Variants in TAF3 observed in about 807,000 individuals in gnomAD.
TAF3 encodes the protein TATA-box binding protein associated factor 3.
In TAF3, 7 loss-of-function variants were observed where a neutral mutation model predicts 80.6. The observed-to-expected ratio is 0.09, with a 90% CI of 0.05 to 0.16. The LOEUF (loss-of-function observed/expected upper bound fraction) is 0.16, where lower values mean the gene tolerates loss of function less well. Among genes scored for constraint, TAF3 ranks in the 10% least tolerant of loss-of-function variants. The pLI, the probability that TAF3 is intolerant of heterozygous loss-of-function variation, is 1.00. For synonymous variants in TAF3, 444 were observed against 446.1 expected (o/e 1.00, Z 0.06); for missense variants, 921 against 1,140.2 (o/e 0.81, Z 2.77).
At chr10:7,938,215 G>C (rs1837941368) in intron 2 of TAF3, among the ~76,000 whole-genome samples, 1 of 152,150 alleles carries the variant, frequency 6.6e-6, no homozygotes, top group Non-Finnish European at 1.5e-5. Flanking sequence ...TCCCTAACTT[G>C]AAGCAGTGGA....
chr10:7,823,144 C>G (rs532580094), intron 1 of TAF3, among the ~76,000 whole-genome samples: 2 of 152,040 alleles, frequency 1.3e-5, no homozygotes, highest in Non-Finnish European at 2.9e-5. Flanking sequence ...CTTTTATGAT[C>G]TAAGCCTTCT....
At chr10:7,962,206 C>A (rs992816007) in intron 2 of TAF3, among the ~76,000 whole-genome samples, 1 of 152,166 alleles carries the variant, frequency 6.6e-6, no homozygotes, top group African/African-American at 2.4e-5. Context: ...ATACCCTAAT[C>A]ATTTATCAGA....
intron 3 of TAF3, among the ~76,000 whole-genome samples, chr10:7,971,194 C>T (rs1588571712): frequency 1.3e-5 from 2 of 152,276 alleles, no homozygotes; most frequent in African/African-American, 4.8e-5. Context: ...TGCACATCTT[C>T]TGACTCTCTG....
intron 3 of TAF3, among the ~76,000 whole-genome samples, chr10:7,967,370 G>C (rs900353342): frequency 6.6e-6 from 1 of 152,128 alleles, no homozygotes; most frequent in Admixed American, 6.5e-5. Context: ...GAAGCCATCA[G>C]ATTAGGTTTG....
chr10:7,847,858 A>C (rs1426925551), intron 2 of TAF3, among the ~76,000 whole-genome samples: 1 of 152,082 alleles, frequency 6.6e-6, no homozygotes, highest in Non-Finnish European at 1.5e-5. Flanking sequence ...ACCTCCACCT[A>C]CTGGGTTCAA....
At chr10:7,885,204 A>G (rs982872263) in intron 2 of TAF3, among the ~76,000 whole-genome samples, 1 of 151,836 alleles carries the variant, frequency 6.6e-6, no homozygotes, top group Non-Finnish European at 1.5e-5. Flanking sequence ...TGAATTGCAT[A>G]CTTAAAAATA....
At chr10:7,977,183 G>A (rs1831681532) in intron 3 of TAF3, 58 bp from the exon 4 acceptor site, 1 of 1,509,834 alleles carries the variant, frequency 6.6e-7, no homozygotes, top group East Asian at 2.3e-5. Flanking sequence ...TAGGAGAAGT[G>A]GTAGGAGGTA....
chr10:7,956,228 G>A (rs1316203637), intron 2 of TAF3, among the ~76,000 whole-genome samples: 4 of 152,098 alleles, frequency 2.6e-5, no homozygotes, highest in Admixed American at 6.5e-5. Context: ...GGTGTCTCAC[G>A]CCTGTAATCC....
chr10:7,848,984 T>G (rs1042916512), intron 2 of TAF3, among the ~76,000 whole-genome samples: 1 of 152,208 alleles, frequency 6.6e-6, no homozygotes, highest in African/African-American at 2.4e-5. Flanking sequence ...AGCTTTGTCT[T>G]TCTGAATGGT....
chr10:7,854,581 A>G (rs1837060536), intron 2 of TAF3, among the ~76,000 whole-genome samples: 1 of 150,220 alleles, frequency 6.7e-6, no homozygotes, highest in Non-Finnish European at 1.5e-5. Context: ...GGGAGGAGGT[A>G]GATCTTGACC....
intron 1 of TAF3, among the ~76,000 whole-genome samples, chr10:7,820,438 T>G (rs1299216225): frequency 6.6e-6 from 1 of 152,256 alleles, no homozygotes; most frequent in African/African-American, 2.4e-5. Flanking sequence ...TTATTGACTT[T>G]ACATATTGAG....
chr10:7,822,820 T>C (rs1306099077), intron 1 of TAF3, among the ~76,000 whole-genome samples: 1 of 152,242 alleles, frequency 6.6e-6, no homozygotes, highest in East Asian at 1.9e-4. Flanking sequence ...TTTTTAAAGA[T>C]GTAGAGACCT....
chr10:7,985,995 G>A (rs1247306953), intron 4 of TAF3, among the ~76,000 whole-genome samples: 1 of 151,886 alleles, frequency 6.6e-6, no homozygotes, highest in Non-Finnish European at 1.5e-5. Flanking sequence ...TGTTGGCCAG[G>A]CTGGCCTCAA....
In TAF3 at chr10:7,964,536, G is replaced by A. The variant is rs1831547840; in HGVS notation, c.1026G>A (p.Arg342=). 6.2e-7 allele frequency: 1 copy of A among 1,613,584 alleles called. No homozygotes were observed. The highest frequency in any genetic ancestry group is 8.5e-7 in the Non-Finnish European group (1 of 1,179,838). ...CTGTGAGACCTGAAACGCCCAACAG[G>A]ACTCCTTCAGCTACACTCAGTGAAA... is the stretch of plus-strand genomic sequence containing the variant. The part of the protein sequence containing the change: ...QTPVRPETPN[R]TPSATLSEKI... Residue 342 remains arginine (R), a synonymous_variant, in exon 3 of 7, where the codon AGG becomes AGA. Coordinates refer to ENST00000344293, the MANE Select transcript of TAF3 (RefSeq NM_031923.4). The surrounding 1 kb of genome is among the most constrained non-coding windows in gnomAD (Gnocchi z 4.1).
chr10:7,873,506 C>T (rs971224247), intron 2 of TAF3, among the ~76,000 whole-genome samples: 4 of 151,980 alleles, frequency 2.6e-5, no homozygotes, highest in Admixed American at 2.6e-4. Context: ...ATGCATTAGT[C>T]ACTGCAGGTG....
intron 2 of TAF3, among the ~76,000 whole-genome samples, chr10:7,918,513 T>TAGG (rs1564363219): frequency 1.3e-5 from 2 of 152,172 alleles, no homozygotes; most frequent in African/African-American, 2.4e-5. Context: ...GTGGCACAGC[T>TAGG]AGGAACAAGA....
intron 2 of TAF3, among the ~76,000 whole-genome samples, chr10:7,848,778 GTTTGGCATAAACTTTATGC>G (rs1406036196): frequency 3.9e-5 from 6 of 152,244 alleles, no homozygotes; most frequent in African/African-American, 1.4e-4. Context: ...TATGCCTAAA[GTTTGGCATAAACTTTATGC>G]CAATATGCCT....
At chr10:7,915,634 C>T (rs1306788462) in intron 2 of TAF3, among the ~76,000 whole-genome samples, 1 of 129,092 alleles carries the variant, frequency 7.7e-6, no homozygotes, top group East Asian at 2.3e-4. Flanking sequence ...CAGAGCGAAA[C>T]TCCGTCTCAA....
At chr10:7,833,065 C>A (rs1836818049) in intron 2 of TAF3, among the ~76,000 whole-genome samples, 1 of 152,146 alleles carries the variant, frequency 6.6e-6, no homozygotes, top group Non-Finnish European at 1.5e-5. Flanking sequence ...GAATAGTATT[C>A]TGTGGTGTAT....
Sources: gnomAD v4.1 joint callset for allele counts (sites outside exome capture counted in the v4.1 genomes callset) on GRCh38, gnomAD v4.1.1 for gene constraint, Gnocchi (gnomAD v3.1) non-coding constraint, MANE v1.5 for transcripts, NCBI Gene and HGNC (gene_info 2026-07-23, HGNC 2026-07-21) for gene names.